The following C19orf12 variants were observed in gnomAD, a reference collection of about 807,000 sequenced individuals.
The protein encoded by C19orf12 is protein C19orf12.
Under a neutral mutation model 3.8 loss-of-function variants are expected in C19orf12, and 2 were observed. The ratio of observed to expected loss-of-function variants is 0.53; its 90% confidence interval spans 0.22 to 1.66. C19orf12 has a LOEUF of 1.66. C19orf12 is among the 40% of genes most tolerant of loss of function. The pLI is 0.20. For missense variants in C19orf12, 156 were observed against 188.8 expected (o/e 0.83, Z 1.02); for synonymous variants, 89 against 84.6 (o/e 1.05, Z -0.28).
In C19orf12 at chr19:29,711,545, G is replaced by T. The variant is rs184901981; in HGVS notation, c.-10-3122C>A. The stretch of plus-strand genomic sequence containing the variant: ...TCTCAGGAGGGCCCCTTTGGAGGCT[G>T]CAAGGAACCTCCCTTTCCCCGGGCG... On this transcript the variant is annotated intron_variant, in intron 1 of 2. Transcript: ENST00000323670. 2.1e-3 allele frequency among the ~76,000 whole-genome samples: 316 copies of T among 152,320 alleles called. 1 individual carries two copies. Among genetic ancestry groups the T allele is most frequent in the African/African-American group, 7.3e-3 (304 of 41,580 alleles).
In C19orf12 at chr19:29,702,427, C is replaced by T; in HGVS notation, c.*285G>A. ...GCGGGTGAGAGGACTCAGCAGACGC[C>T]TCCGAAGCCTGCGGCAGGCAGGCCT... On this transcript the variant is annotated 3_prime_UTR_variant, in exon 3 of 3. Transcript: ENST00000323670. The T allele has an allele frequency of 1.6e-6, 1 of 625,124 alleles. No homozygotes were observed. 38.7% of individuals were successfully genotyped at this position (625,124 alleles called of 1,614,324 possible).
At chr19:29,704,453 G>T (rs1285837320) in intron 2 of C19orf12, among the ~76,000 whole-genome samples, 2 of 152,102 alleles carry the variant, frequency 1.3e-5, no homozygotes, top group Non-Finnish European at 2.9e-5. Context: ...GACAGAGTGA[G>T]ACTCCATCTC....
At position 29,701,093 on chromosome 19, in the gene C19orf12, T is replaced by C. The variant is rs1439466780; in HGVS notation, c.*1619A>G. 1 of 453,784 alleles carries C rather than the reference T, an allele frequency of 2.2e-6. No homozygotes were observed. The highest frequency in any genetic ancestry group is 4.4e-6 in the Non-Finnish European group (1 of 226,692). The allele number at this position is 453,784 out of a possible 1,614,324, so 28.1% of individuals were successfully genotyped here. On this transcript the variant is annotated 3_prime_UTR_variant, in exon 3 of 3. Coordinates refer to ENST00000323670, the MANE Select transcript of C19orf12 (RefSeq NM_031448.6). ...TCTTTAAAGCCACAAATCTGGTACC[T>C]TCCCTCTTGTTCCATTTGTAAGACT...
intron 2 of C19orf12, among the ~76,000 whole-genome samples, chr19:29,706,353 T>C (rs1972378589): frequency 6.6e-6 from 1 of 152,186 alleles, no homozygotes; most frequent in South Asian, 2.1e-4. Context: ...ACCAGCAAAT[T>C]ACTGGCTCTT....
At chr19:29,714,367 G>A (rs891648822) in intron 1 of C19orf12, among the ~76,000 whole-genome samples, 1 of 151,956 alleles carries the variant, frequency 6.6e-6, no homozygotes, top group Non-Finnish European at 1.5e-5. Flanking sequence ...TGGTGGTGTC[G>A]CCTGTAATCC....
In C19orf12 at chr19:29,701,649, C is replaced by A. The variant is rs1396589998; in HGVS notation, c.*1063G>T. ...TTATATCACACCACTTCAGAAAGAG[C>A]AATACAGGCATACCTCATTCTACTA... On this transcript the variant is annotated 3_prime_UTR_variant, in exon 3 of 3. Coordinates refer to ENST00000323670, the MANE Select transcript of C19orf12 (RefSeq NM_031448.6). 1 of 453,646 alleles carries A rather than the reference C, an allele frequency of 2.2e-6. No individual in the cohort carries two copies. Among genetic ancestry groups the A allele is most frequent in the South Asian group, 1.6e-5 (1 of 64,458 alleles). The allele number at this position is 453,646 out of a possible 1,614,324, so 28.1% of individuals were successfully genotyped here.
chr19:29,711,087 T>G (rs889762957), intron 1 of C19orf12, among the ~76,000 whole-genome samples: 5 of 131,370 alleles, frequency 3.8e-5, no homozygotes, highest in Non-Finnish European at 6.1e-5. Context: ...TCACCTAGGC[T>G]GGAGTGTAGC....
chr19:29,711,460 T>C (rs12977871), intron 1 of C19orf12, among the ~76,000 whole-genome samples: 16,612 of 152,260 alleles, frequency 0.11, 1,404 homozygotes, highest in East Asian at 0.37. Context: ...AGCTTAGTTC[T>C]GGTTTATATC....
intron 2 of C19orf12, 133 bp downstream of exon 2, chr19:29,708,121 C>T (rs1288420240): frequency 2.8e-5 from 35 of 1,268,126 alleles, no homozygotes; most frequent in South Asian, 4.9e-5. Flanking sequence ...TCAGGTGATC[C>T]GCCCGCCTCG....
In C19orf12 at chr19:29,700,521, T is replaced by G. The variant is rs1157028740; in HGVS notation, c.*2191A>C. The G allele has an allele frequency of 4.4e-6, 2 of 454,014 alleles. No homozygotes were observed. 28.1% of individuals were successfully genotyped at this position (454,014 alleles called of 1,614,324 possible). On this transcript the variant is annotated 3_prime_UTR_variant, in exon 3 of 3. Coordinates refer to ENST00000323670, the MANE Select transcript of C19orf12 (RefSeq NM_031448.6). ...CCAGGGTCCGTATGCAGGACTTATT[T>G]GCAGGAAGAGCAGGAATGATCAGTT...
At chr19:29,712,206 C>T (rs1157911896) in intron 1 of C19orf12, among the ~76,000 whole-genome samples, 1 of 152,076 alleles carries the variant, frequency 6.6e-6, no homozygotes, top group Non-Finnish European at 1.5e-5. Context: ...GAGATCGAGA[C>T]TATCCTGGCC....
At chr19:29,704,243 G>T (rs1044099141) in intron 2 of C19orf12, among the ~76,000 whole-genome samples, 1 of 152,142 alleles carries the variant, frequency 6.6e-6, no homozygotes, top group Non-Finnish European at 1.5e-5. Context: ...GCCGAGGTGG[G>T]CGAATCACGA....
Position 29,700,229 on chromosome 19 carries a change from C to T in C19orf12, c.*2483G>A. 2.2e-6 allele frequency: 1 copy of T among 454,008 alleles called. No homozygotes were observed. Among genetic ancestry groups the T allele is most frequent in the South Asian group, 1.6e-5 (1 of 64,478 alleles). The allele number at this position is 454,008 out of a possible 1,614,324, so 28.1% of individuals were successfully genotyped here. A position where few individuals can be genotyped will look rare whatever the true frequency, so the allele number is the denominator to read the frequency against. ...TGCACGAGTAAGAATGAATGGGGCC[C>T]AATCGCCTAACAAAGGCAACTCAAT... On this transcript the variant is annotated 3_prime_UTR_variant, in exon 3 of 3. Coordinates refer to ENST00000323670, the MANE Select transcript of C19orf12 (RefSeq NM_031448.6).
rs574975743 is a variant in C19orf12, at chr19:29,702,894, G to C, written c.244C>G (p.Pro82Ala). 2.5e-6 allele frequency: 4 copies of C among 1,614,196 alleles called. No individual in the cohort carries two copies. The highest frequency in any genetic ancestry group is 1.3e-5 in the African/African-American group (1 of 75,060). The part of the protein sequence containing the change: ...PVPQILMELP[P>A]AEQQRLFNEA... Reference sequence around the variant, plus strand: ...TTAAAGAGCCTCTGTTGCTCGGCAGGGGGCAGCTCCATTAGGATCTGAGGA... The same window carrying C: ...TTAAAGAGCCTCTGTTGCTCGGCAGCGGGCAGCTCCATTAGGATCTGAGGA... The change falls in exon 3 of 3, where the codon CCT becomes GCT. Residue 82 changes from proline to alanine, a missense_variant. Physicochemically the swap from Pro to Ala is conservative, Grantham distance 27. Transcript: ENST00000323670.
intron 2 of C19orf12, among the ~76,000 whole-genome samples, chr19:29,705,998 A>G (rs1251354425): frequency 6.6e-6 from 1 of 152,248 alleles, no homozygotes; most frequent in African/African-American, 2.4e-5. Context: ...ACCCACTGGC[A>G]GGCTGGACTC....
chr19:29,711,036 G>GTTTTTTTTTTTTTTTTTTTT (rs781530564), intron 1 of C19orf12, among the ~76,000 whole-genome samples: 1 of 98,274 alleles, frequency 1.0e-5, no homozygotes, highest in Non-Finnish European at 1.8e-5. Context: ...ATACAGAGAG[G>GTTTTTTTTTTTTTTTTTTTT]TTTTTTTTTT....
At position 29,715,191 on chromosome 19, in the gene C19orf12, G is replaced by A. The variant is rs770684342; in HGVS notation, c.-77C>T. 6 of 489,986 alleles carry A rather than the reference G, an allele frequency of 1.2e-5. No homozygotes were observed. The highest frequency in any genetic ancestry group is 5.8e-5 in the South Asian group (3 of 51,306). The allele number at this position is 489,986 out of a possible 1,614,324, so 30.4% of individuals were successfully genotyped here. ...CGCGGCTGCAGCCCGGGCCTGGCAG[G>A]CCCCGGGCTCCCCGCCCAGCTCCCC... On this transcript the variant is annotated 5_prime_UTR_variant, in exon 1 of 3. Coordinates refer to ENST00000323670, the MANE Select transcript of C19orf12 (RefSeq NM_031448.6).
chr19:29,710,532 G>A (rs556448990), intron 1 of C19orf12, among the ~76,000 whole-genome samples: 157 of 152,152 alleles, frequency 1.0e-3, no homozygotes, highest in African/African-American at 3.7e-3. Flanking sequence ...ACCCCAAGAG[G>A]GCATAACGCA....
At chr19:29,703,197 T>G (rs1452314123) in intron 2 of C19orf12, among the ~76,000 whole-genome samples, 1 of 152,064 alleles carries the variant, frequency 6.6e-6, no homozygotes, top group African/African-American at 2.4e-5. Context: ...ACACCCAACA[T>G]GCATTCCCTG....
Sources: gnomAD v4.1 joint callset for allele counts (sites outside exome capture counted in the v4.1 genomes callset) on GRCh38, gnomAD v4.1.1 for gene constraint, MANE v1.5 for transcripts, NCBI Gene and HGNC (gene_info 2026-07-23, HGNC 2026-07-21) for gene names.